Variants in MGAT5 observed in about 807,000 individuals in gnomAD.
MGAT5 encodes alpha-1,6-mannosylglycoprotein 6-beta-N-acetylglucosaminyltransferase, also known as alpha-1,6-mannosylglycoprotein 6-beta-N-acetylglucosaminyltransferase A.
A neutral mutation model predicts 94.3 loss-of-function variants in MGAT5; 30 were observed. The observed-to-expected ratio is 0.32, with a 90% CI of 0.24 to 0.43. The LOEUF (loss-of-function observed/expected upper bound fraction) is 0.43, where lower values mean the gene tolerates loss of function less well. Ranked by LOEUF, MGAT5 falls within the 20% of genes least tolerant of loss-of-function variation. The probability of loss-of-function intolerance (pLI) is 1.00; values close to 1 mark genes in which losing one functional copy is unlikely to be tolerated. For synonymous variants in MGAT5, 310 were observed against 322.9 expected (o/e 0.96, Z 0.43); for missense variants, 691 against 905.5 (o/e 0.76, Z 3.04).
intron 10 of MGAT5, among the ~76,000 whole-genome samples, chr2:134,399,264 C>G (rs191723503): frequency 3.7e-4 from 57 of 152,062 alleles, no homozygotes; most frequent in Non-Finnish European, 7.8e-4. Context: ...TTCTACCACT[C>G]CCCCCTGCTG....
chr2:134,343,737 C>G (rs1440168061), intron 7 of MGAT5, among the ~76,000 whole-genome samples: 1 of 152,154 alleles, frequency 6.6e-6, no homozygotes, highest in Non-Finnish European at 1.5e-5. Context: ...GATCAGCAAA[C>G]TATGGCTCAG....
At chr2:134,219,727 T>A (rs1434064478) in intron 1 of MGAT5, among the ~76,000 whole-genome samples, 2 of 152,136 alleles carry the variant, frequency 1.3e-5, no homozygotes, top group Non-Finnish European at 2.9e-5. Context: ...TTTTAGGAGA[T>A]CCTGAAAAAA....
intron 2 of MGAT5, among the ~76,000 whole-genome samples, chr2:134,293,812 C>T (rs548463942): frequency 6.6e-6 from 1 of 152,284 alleles, no homozygotes; most frequent in East Asian, 1.9e-4. Context: ...CTTGAGTCTG[C>T]AGTTGGCTGA....
At chr2:134,271,185 G>A (rs1191498394) in intron 2 of MGAT5, among the ~76,000 whole-genome samples, 2 of 152,030 alleles carry the variant, frequency 1.3e-5, no homozygotes, top group African/African-American at 2.4e-5. Context: ...CAGATTATAC[G>A]CTGCATGTTG....
intron 10 of MGAT5, among the ~76,000 whole-genome samples, chr2:134,375,527 A>G (rs1430831494): frequency 2.0e-5 from 3 of 152,250 alleles, no homozygotes; most frequent in Non-Finnish European, 4.4e-5. Context: ...TATTCTAAAG[A>G]TGAAATGTGT....
At chr2:134,161,601 C>G (rs1257081626) in intron 1 of MGAT5, among the ~76,000 whole-genome samples, 2 of 152,100 alleles carry the variant, frequency 1.3e-5, no homozygotes, top group Non-Finnish European at 2.9e-5. Flanking sequence ...TCAAAAAATC[C>G]TGGTGTGGTC....
chr2:134,402,534 G>A (rs1683112877), intron 10 of MGAT5, among the ~76,000 whole-genome samples: 1 of 152,106 alleles, frequency 6.6e-6, no homozygotes, highest in South Asian at 2.1e-4. Flanking sequence ...ATTCCTCTGG[G>A]ACAGCTTAGC....
At chr2:134,371,949 A>AC (rs1025508527) in intron 10 of MGAT5, among the ~76,000 whole-genome samples, 1 of 151,766 alleles carries the variant, frequency 6.6e-6, no homozygotes, top group African/African-American at 2.4e-5. Flanking sequence ...TTGTTTAAAA[A>AC]AAAAAAAAAA....
At chr2:134,438,781 C>G (rs532728409) in intron 14 of MGAT5, among the ~76,000 whole-genome samples, 1 of 152,216 alleles carries the variant, frequency 6.6e-6, no homozygotes, top group East Asian at 1.9e-4. Flanking sequence ...CTGTATGGGT[C>G]CTGGGGCACT....
chr2:134,342,198 T>C (rs1192345131), intron 7 of MGAT5, among the ~76,000 whole-genome samples: 11 of 152,216 alleles, frequency 7.2e-5, no homozygotes, highest in Non-Finnish European at 1.2e-4. Context: ...AGCCCTGAGC[T>C]GATCCTTTTT....
At chr2:134,409,631 G>A (rs576494470) in intron 11 of MGAT5, among the ~76,000 whole-genome samples, 2 of 152,266 alleles carry the variant, frequency 1.3e-5, no homozygotes, top group African/African-American at 4.8e-5. Flanking sequence ...TGTTGTGTGT[G>A]TGTTTCCTAT....
At chr2:134,416,297 C>A (rs977701441) in intron 12 of MGAT5, among the ~76,000 whole-genome samples, 1 of 152,130 alleles carries the variant, frequency 6.6e-6, no homozygotes, top group Admixed American at 6.5e-5. Context: ...CCATTCTCCC[C>A]ACTTCTCAAC....
intron 9 of MGAT5, among the ~76,000 whole-genome samples, chr2:134,357,937 T>G (rs1679851655): frequency 6.6e-6 from 1 of 152,212 alleles, no homozygotes; most frequent in African/African-American, 2.4e-5. Flanking sequence ...GTATAGTTTT[T>G]TAATCCAGAT....
rs1683866549 is a variant in MGAT5, at chr2:134,268,917, C to G, written c.242-1469C>G. 6.6e-6 allele frequency among the ~76,000 whole-genome samples: 1 copy of G among 152,116 alleles called. No homozygotes were observed. The highest frequency in any genetic ancestry group is 1.9e-4 in the East Asian group (1 of 5,178). Reference sequence around the variant, plus strand: ...AGACTCTGAACTTCACCCTTGGTTTCTTTTTTCTACCCAGGTTCTTGACTT... The same window carrying G: ...AGACTCTGAACTTCACCCTTGGTTTGTTTTTTCTACCCAGGTTCTTGACTT... On this transcript the variant is annotated intron_variant, in intron 1 of 15. Transcript: ENST00000281923. This position sits in a 1 kb window ranked among gnomAD's most constrained non-coding sequence, Gnocchi z 4.1.
chr2:134,347,647 T>C (rs184755198), intron 8 of MGAT5, among the ~76,000 whole-genome samples: 53 of 152,312 alleles, frequency 3.5e-4, no homozygotes, highest in Non-Finnish European at 5.9e-4. Flanking sequence ...GCATTATAAG[T>C]AATCTAGAGA....
At chr2:134,428,137 C>G (rs1434707230) in intron 13 of MGAT5, among the ~76,000 whole-genome samples, 1 of 152,246 alleles carries the variant, frequency 6.6e-6, no homozygotes, top group South Asian at 2.1e-4. Context: ...TTTTTCTTAT[C>G]ACCCTTTTAC....
At chr2:134,345,139 A>C in intron 8 of MGAT5, 75 bp downstream of exon 8, 3 of 1,475,772 alleles carry the variant, frequency 2.0e-6, no homozygotes, top group Non-Finnish European at 2.8e-6. Context: ...TGTGGGTAGA[A>C]AAAGCTTATC....
Position 134,298,641 on chromosome 2 carries a change from G to C in MGAT5, c.407-18888G>C, listed in dbSNP as rs146726079. 3.7e-3 allele frequency among the ~76,000 whole-genome samples: 565 copies of C among 152,214 alleles called. 4 individuals carry two copies. The highest frequency in any genetic ancestry group is 3.7e-3 in the Non-Finnish European group (251 of 68,022). On this transcript the variant is annotated intron_variant, in intron 2 of 15. Transcript: ENST00000281923. ...TATAGTTGTGAATTTCCAGATGTTG[G>C]AAGGTGTTTTCAATAAATTTGGTAC...
At chr2:134,386,276 G>A (rs932525016) in intron 10 of MGAT5, among the ~76,000 whole-genome samples, 4 of 152,150 alleles carry the variant, frequency 2.6e-5, no homozygotes, top group Non-Finnish European at 4.4e-5. Flanking sequence ...AGAGAAGTTA[G>A]AAGAAATGTC....
Sources: allele counts gnomAD v4.1 joint callset (sites outside exome capture counted in the v4.1 genomes callset), GRCh38; gene constraint gnomAD v4.1.1; non-coding constraint Gnocchi (gnomAD v3.1); transcripts MANE v1.5; gene names NCBI Gene and HGNC (gene_info 2026-07-23, HGNC 2026-07-21).